Variants in ATR observed in about 807,000 individuals in gnomAD.
ATR encodes serine/threonine-protein kinase ATR.
A neutral mutation model predicts 305.3 loss-of-function variants in ATR; 142 were observed. That is an observed-to-expected ratio of 0.47 (90% CI 0.41 to 0.53). ATR has a LOEUF of 0.53. ATR is among the 20% of genes least tolerant of loss of function. The pLI, the probability that ATR is intolerant of heterozygous loss-of-function variation, is 0.00. For synonymous variants in ATR, 1,050 were observed against 1,068.1 expected (o/e 0.98, Z 0.33); for missense variants, 2,135 against 3,133.1 (o/e 0.68, Z 7.60).
At chr3:142,559,087 G>A in intron 7 of ATR, 164 bp downstream of exon 7, 1 of 726,002 alleles carries the variant, frequency 1.4e-6, no homozygotes, top group Non-Finnish European at 2.2e-6. Flanking sequence ...CACATAAATT[G>A]GCAACTCAGA....
In ATR at chr3:142,536,196, G is replaced by A. The variant is rs1559973350; in HGVS notation, c.3731C>T (p.Ala1244Val). The change falls in exon 20 of 47, where the codon GCT becomes GTT. Residue 1244 changes from alanine to valine, a missense_variant. Ala to Val is a moderately conservative substitution (Grantham distance 64). This residue lies in a region of ATR where 530 missense variants were observed against 766.8 expected (regional missense o/e 0.69). Transcript: ENST00000350721. ...FHYLIIENRD[A>V]VQDFLHEIYF... ...TATTTCATGAAGAAAATCTTGCACA[G>A]CATCCCTAATAGTTAGTTGGAATAA... 1 of 1,565,130 alleles carries A rather than the reference G, an allele frequency of 6.4e-7. No homozygotes were observed. Among genetic ancestry groups the A allele is most frequent in the Non-Finnish European group, 8.8e-7 (1 of 1,136,114 alleles).
chr3:142,555,976 T>A lies in ATR; in HGVS notation c.2242A>T (p.Thr748Ser). The A allele has an allele frequency of 6.2e-7, 1 of 1,614,006 alleles. No individual in the cohort carries two copies. The highest frequency in any genetic ancestry group is 8.5e-7 in the Non-Finnish European group (1 of 1,179,950). The change falls in exon 10 of 47, where the codon ACT (threonine) becomes TCT (serine). Residue 748 changes from threonine to serine, a missense_variant. Thr to Ser is a moderately conservative substitution (Grantham distance 58). Transcript: ENST00000350721. ...GAAGATGAACATTCATGTTGAGAAG[T>A]GGCTTTCAAGTTCCTACAGAAGAGG... ...VDLFCRNLKA[T>S]SQHECSSSQL...
chr3:142,523,159 T>C (rs1489946729), intron 22 of ATR, among the ~76,000 whole-genome samples: 10 of 152,164 alleles, frequency 6.6e-5, no homozygotes, highest in Non-Finnish European at 1.3e-4. Flanking sequence ...TGGTGGCTAA[T>C]GGCTCTAATT....
At chr3:142,454,430 T>G (rs1006735971) in intron 45 of ATR, among the ~76,000 whole-genome samples, 2 of 149,458 alleles carry the variant, frequency 1.3e-5, no homozygotes, top group African/African-American at 5.0e-5. Flanking sequence ...TAATGTCTGA[T>G]AGACAGCTTT....
chr3:142,484,329 T>C (rs1466147451), intron 36 of ATR, among the ~76,000 whole-genome samples: 1 of 152,182 alleles, frequency 6.6e-6, no homozygotes, highest in Non-Finnish European at 1.5e-5. Flanking sequence ...TTGTCAATCA[T>C]GCCCATGTAA....
rs763471890 is a variant in ATR, at chr3:142,468,043, C to T, written c.6578G>A (p.Arg2193Lys). ...SKSSYPMRVN[R>K]CKEILNKAIH... ...AGCTTTATTGAGGATTTCCTTGCAT[C>T]TGTTCACACGCATGGGATAAGATGA... The change falls in exon 39 of 47, where the codon AGA becomes AAA. Residue 2193 changes from arginine (R) to lysine (K), a missense_variant. By Grantham distance (26) the Arg-to-Lys change is conservative (BLOSUM62 2). Transcript: ENST00000350721. 1.2e-6 allele frequency: 2 copies of T among 1,612,716 alleles called. No individual in the cohort carries two copies. The highest frequency in any genetic ancestry group is 8.5e-7 in the Non-Finnish European group (1 of 1,179,386).
intron 36 of ATR, among the ~76,000 whole-genome samples, chr3:142,481,995 G>A (rs1414175764): frequency 1.3e-5 from 2 of 151,382 alleles, no homozygotes; most frequent in Admixed American, 6.6e-5. Flanking sequence ...GATAATTTTT[G>A]TATTTTTTTT....
intron 27 of ATR, among the ~76,000 whole-genome samples, chr3:142,510,649 T>G (rs1218313769): frequency 6.6e-6 from 1 of 152,104 alleles, no homozygotes; most frequent in African/African-American, 2.4e-5. Context: ...AAGAGGGAGA[T>G]GCTCACAAAC....
At position 142,573,643 on chromosome 3, in the gene ATR, A is replaced by T. The variant is rs542985161; in HGVS notation, c.59+5003T>A. 5.6e-3 allele frequency among the ~76,000 whole-genome samples: 850 copies of T among 152,312 alleles called. 7 individuals carry two copies. The highest frequency in any genetic ancestry group is 8.5e-3 in the Non-Finnish European group (578 of 68,026). On this transcript the variant is annotated intron_variant, in intron 1 of 46. Coordinates refer to ENST00000350721, the MANE Select transcript of ATR (RefSeq NM_001184.4). The stretch of plus-strand genomic sequence containing the variant: ...AGCCATAATTTTGTTATTTTCTGGT[A>T]GCCACATTAAGAAAAGAAACAGGAA...
chr3:142,513,729 G>T, intron 25 of ATR, 91 bp from the exon 26 acceptor site: 2 of 1,271,612 alleles, frequency 1.6e-6, no homozygotes, highest in Non-Finnish European at 2.2e-6. Context: ...TCACAAACGA[G>T]TATTCATTTT....
At chr3:142,561,604 C>A (rs1262465465) in intron 4 of ATR, among the ~76,000 whole-genome samples, 183 bp from the exon 5 acceptor site, 1 of 152,062 alleles carries the variant, frequency 6.6e-6, no homozygotes, top group Non-Finnish European at 1.5e-5. Context: ...GACTATGGTT[C>A]TATAGTCTTA....
At chr3:142,549,750 A>T (rs1416923187) in intron 14 of ATR, 77 bp from the exon 15 acceptor site, 3 of 1,315,342 alleles carry the variant, frequency 2.3e-6, no homozygotes, top group Middle Eastern at 1.8e-4. Flanking sequence ...TATGTGCAAA[A>T]ATATTTTTAA....
chr3:142,464,447 T>C (rs912759997), intron 41 of ATR, among the ~76,000 whole-genome samples: 4 of 152,176 alleles, frequency 2.6e-5, no homozygotes, highest in African/African-American at 9.7e-5. Context: ...TTGATAAATA[T>C]ATTAACACAA....
At chr3:142,512,220 T>TAAAAAA (rs74269486) in intron 27 of ATR, 40 bp downstream of exon 27, 15 of 1,245,950 alleles carry the variant, frequency 1.2e-5, no homozygotes, top group South Asian at 2.7e-5. Context: ...GGTGAATAGC[T>TAAAAAA]AAAAAAAAAA....
intron 23 of ATR, 72 bp from the exon 24 acceptor site, chr3:142,519,856 C>T (rs2033068264): frequency 1.8e-6 from 2 of 1,102,326 alleles, no homozygotes; most frequent in Middle Eastern, 2.0e-4. Flanking sequence ...CAATGTTCTA[C>T]ATATCTTAGT....
rs775736963 is a variant in ATR at position 142,505,235 on chromosome 3, T to C, written c.5100A>G (p.Pro1700=). 14 of 1,614,034 alleles carry C rather than the reference T, an allele frequency of 8.7e-6. No homozygotes were observed. Among genetic ancestry groups the C allele is most frequent in the Non-Finnish European group, 1.2e-5 (14 of 1,180,002 alleles). The change falls in exon 29 of 47, where the codon CCA becomes CCG. Residue 1700 remains proline, a synonymous_variant. Transcript: ENST00000350721. Reference sequence around the variant, plus strand: ...GTTCAAGGATCTGTTCTTTTAGAGATGGTTCTGCCTTTCTAATTGCACTGA... The same window carrying C: ...GTTCAAGGATCTGTTCTTTTAGAGACGGTTCTGCCTTTCTAATTGCACTGA... ...AGVSAIRKAE[P]SLKEQILEHE...
At chr3:142,573,867 A>G (rs1235633070) in intron 1 of ATR, among the ~76,000 whole-genome samples, 1 of 152,222 alleles carries the variant, frequency 6.6e-6, no homozygotes, top group Admixed American at 6.5e-5. Context: ...GCTAGTGGCT[A>G]CCATAGTATA....
rs371376695 is a variant in ATR, at chr3:142,547,675, G to A, written c.3357+50C>T. ...ATTTCTTCAATTTTATAATTAAGCT[G>A]CAAAAGGAAGAAAAACAAACAAAAA... is the stretch of plus-strand genomic sequence containing the variant. On this transcript the variant is annotated intron_variant, in intron 16 of 46. Transcript: ENST00000350721. 7.6e-6 allele frequency: 12 copies of A among 1,570,062 alleles called. No homozygotes were observed. The African/African-American group carries it at 1.5e-4, about 20-fold the overall frequency.
rs142326512 is a variant in ATR at position 142,521,467 on chromosome 3, C to T, written c.4266+1261G>A. ...AGAAATACATTTTATAAGGTTATAG[C>T]GGCCACAGATAGTAATTCCTCTGAT... On this transcript the variant is annotated intron_variant, in intron 23 of 46. Coordinates refer to ENST00000350721, the MANE Select transcript of ATR (RefSeq NM_001184.4). Among the ~76,000 whole-genome samples, 654 of 152,250 alleles carry T rather than the reference C, an allele frequency of 4.3e-3. 1 individual carries two copies. The highest frequency in any genetic ancestry group is 6.5e-3 in the Non-Finnish European group (440 of 68,014).
Sources: gnomAD v4.1 joint callset for allele counts (sites outside exome capture counted in the v4.1 genomes callset) on GRCh38, gnomAD v4.1.1 for gene constraint, gnomAD v4.1.1 regional missense constraint, MANE v1.5 for transcripts, NCBI Gene and HGNC (gene_info 2026-07-23, HGNC 2026-07-21) for gene names.